Variants in IGF2BP3 observed in about 807,000 individuals in gnomAD.
The protein encoded by IGF2BP3 is insulin like growth factor 2 mRNA binding protein 3, also known as insulin-like growth factor 2 mRNA-binding protein 3.
IGF2BP3 carries 9 observed loss-of-function variants against 73.8 expected under a neutral mutation model. The ratio of observed to expected loss-of-function variants is 0.12; its 90% CI spans 0.07 to 0.21. IGF2BP3 has a LOEUF of 0.21. Among genes scored for constraint, IGF2BP3 ranks in the 10% least tolerant of loss-of-function variants. The pLI, the probability that IGF2BP3 is intolerant of heterozygous loss-of-function variation, is 1.00. For synonymous variants in IGF2BP3, 258 were observed against 256.7 expected, an observed-to-expected ratio of 1.01 and a Z score of -0.05; for missense variants, 542 against 714.0, an observed-to-expected ratio of 0.76 and a Z score of 2.75.
chr7:23,468,528 G>A lies in IGF2BP3; in HGVS notation c.190C>T (p.His64Tyr), dbSNP rs145383204. The change falls in exon 2 of 15, where the codon CAC becomes TAC. Residue 64 changes from histidine to tyrosine, a missense_variant. Coordinates refer to ENST00000258729, the MANE Select transcript of IGF2BP3 (RefSeq NM_006547.3). Reference sequence around the variant, plus strand: ...TGCTCAACTTCTATGGGTTTCCCGTGCAGTTCTATTTTACCTGCGGACACA... The same window carrying A: ...TGCTCAACTTCTATGGGTTTCCCGTACAGTTCTATTTTACCTGCGGACACA... ...IEALSGKIEL[H>Y]GKPIEVEHSV... 9.3e-6 allele frequency: 15 copies of A among 1,614,096 alleles called. No individual in the cohort carries two copies. The highest frequency in any genetic ancestry group is 1.3e-5 in the African/African-American group (1 of 74,942).
At chr7:23,415,296 A>AT (rs1787153877) in intron 3 of IGF2BP3, 1 of 240,742 alleles carries the variant, frequency 4.2e-6, no homozygotes, top group African/African-American at 2.5e-5. Flanking sequence ...GTCAGTCAGC[A>AT]TCACCACATC....
At chr7:23,346,629 T>C (rs1488324885) in intron 7 of IGF2BP3, among the ~76,000 whole-genome samples, 1 of 151,510 alleles carries the variant, frequency 6.6e-6, no homozygotes, top group African/African-American at 2.4e-5. Context: ...AGTCTCCCTC[T>C]GGCGCCAGGC....
chr7:23,343,591 G>T (rs751594642), intron 9 of IGF2BP3, 127 bp downstream of exon 9: 1 of 851,768 alleles, frequency 1.2e-6, no homozygotes, highest in Non-Finnish European at 1.9e-6. Context: ...TACTTGCTGA[G>T]GTGCTAAAAA....
At chr7:23,379,111 A>C (rs1173304185) in intron 3 of IGF2BP3, among the ~76,000 whole-genome samples, 1 of 152,224 alleles carries the variant, frequency 6.6e-6, no homozygotes, top group Non-Finnish European at 1.5e-5. Context: ...CATGTGTTTC[A>C]TAATAAGTTC....
At chr7:23,327,881 T>G (rs1386097814) in intron 10 of IGF2BP3, among the ~76,000 whole-genome samples, 1 of 152,030 alleles carries the variant, frequency 6.6e-6, no homozygotes, top group African/African-American at 2.4e-5. Context: ...CATAAATCCA[T>G]GGAGAGATAC....
At chr7:23,368,295 G>A (rs967979765) in intron 3 of IGF2BP3, among the ~76,000 whole-genome samples, 1 of 140,686 alleles carries the variant, frequency 7.1e-6, no homozygotes, top group African/African-American at 2.7e-5. Context: ...TTAGTATAGC[G>A]AAGACAGAAA....
chr7:23,407,208 A>C (rs1172132082), intron 3 of IGF2BP3, among the ~76,000 whole-genome samples: 5 of 151,630 alleles, frequency 3.3e-5, no homozygotes, highest in Non-Finnish European at 5.9e-5. Context: ...AAAAAAAGAA[A>C]CAACTTGGAT....
At chr7:23,409,443 C>G (rs917474420) in intron 3 of IGF2BP3, among the ~76,000 whole-genome samples, 4 of 152,006 alleles carry the variant, frequency 2.6e-5, no homozygotes, top group African/African-American at 9.7e-5. Context: ...AAGACAATAG[C>G]CACAATTCTG....
chr7:23,401,778 CT>C (rs1403215812), intron 3 of IGF2BP3, among the ~76,000 whole-genome samples: 4 of 148,214 alleles, frequency 2.7e-5, no homozygotes, highest in African/African-American at 1.0e-4. Flanking sequence ...AAAAAAGTCA[CT>C]GCTGCCCTAG....
At chr7:23,459,150 C>G (rs974420991) in intron 2 of IGF2BP3, among the ~76,000 whole-genome samples, 2 of 152,184 alleles carry the variant, frequency 1.3e-5, no homozygotes, top group Non-Finnish European at 2.9e-5. Flanking sequence ...CTTGCATAGA[C>G]AGCAGAAAAG....
intron 8 of IGF2BP3, among the ~76,000 whole-genome samples, chr7:23,344,342 T>C (rs1018873371): frequency 3.3e-5 from 5 of 152,180 alleles, no homozygotes; most frequent in African/African-American, 1.2e-4. Flanking sequence ...AGCATGGAAA[T>C]ATTCCAAAAA....
At chr7:23,337,335 A>T (rs1335386857) in intron 10 of IGF2BP3, among the ~76,000 whole-genome samples, 1 of 152,210 alleles carries the variant, frequency 6.6e-6, no homozygotes, top group African/African-American at 2.4e-5. Flanking sequence ...CTTTATTTAG[A>T]TGAAAATAAC....
At chr7:23,312,972 T>C (rs1783874442) in intron 13 of IGF2BP3, 124 bp from the exon 14 acceptor site, 1 of 619,780 alleles carries the variant, frequency 1.6e-6, no homozygotes, top group African/African-American at 1.9e-5. Flanking sequence ...CCAGTGGTAA[T>C]TCCATGAGGT....
chr7:23,404,016 G>A (rs934683515), intron 3 of IGF2BP3, among the ~76,000 whole-genome samples: 12 of 151,194 alleles, frequency 7.9e-5, no homozygotes, highest in Non-Finnish European at 1.6e-4. Flanking sequence ...GTATGTGCCT[G>A]TAGTCCTAGC....
intron 2 of IGF2BP3, among the ~76,000 whole-genome samples, chr7:23,430,086 CTTTT>C (rs1156607130): frequency 2.9e-5 from 4 of 138,084 alleles, no homozygotes; most frequent in East Asian, 2.1e-4. Context: ...TTCTTTGCCT[CTTTT>C]TTTTTTTTTT....
chr7:23,381,228 A>C (rs996513933), intron 3 of IGF2BP3, among the ~76,000 whole-genome samples: 11 of 152,356 alleles, frequency 7.2e-5, no homozygotes, highest in Non-Finnish European at 8.8e-5. Flanking sequence ...TCATCTGAAC[A>C]ATCTTCAAAG....
intron 10 of IGF2BP3, among the ~76,000 whole-genome samples, chr7:23,333,777 G>A (rs1176562565): frequency 6.6e-6 from 1 of 152,222 alleles, no homozygotes; most frequent in Non-Finnish European, 1.5e-5. Flanking sequence ...GCCCTAGAAT[G>A]ACAGACAATG....
intron 10 of IGF2BP3, among the ~76,000 whole-genome samples, chr7:23,322,045 T>C (rs1784169485): frequency 6.6e-6 from 1 of 152,146 alleles, no homozygotes; most frequent in Admixed American, 6.5e-5. Flanking sequence ...ACACAGTTCC[T>C]CACCAGCAAC....
At chr7:23,399,404 A>G (rs35875960) in intron 3 of IGF2BP3, among the ~76,000 whole-genome samples, 38,561 of 150,170 alleles carry the variant, frequency 0.26, 5,080 homozygotes, top group South Asian at 0.35. Flanking sequence ...ATAAAATTAA[A>G]TTAAATTAAA....
Sources: allele counts gnomAD v4.1 joint callset (sites outside exome capture counted in the v4.1 genomes callset), GRCh38; gene constraint gnomAD v4.1.1; transcripts MANE v1.5; gene names NCBI Gene and HGNC (gene_info 2026-07-23, HGNC 2026-07-21).